The following CCBE1 variants were observed in gnomAD, a reference collection of about 807,000 sequenced individuals.
CCBE1 encodes collagen and calcium-binding EGF domain-containing protein 1.
In CCBE1, 37 loss-of-function variants were observed where a neutral mutation model predicts 50.0. The ratio of observed to expected loss-of-function variants is 0.74; its 90% CI spans 0.57 to 0.97. The LOEUF is 0.97. Among genes scored for constraint, CCBE1 ranks in the 50% least tolerant of loss-of-function variants. The pLI, the probability that CCBE1 is intolerant of heterozygous loss-of-function variation, is 0.00. For synonymous variants in CCBE1, 234 were observed against 203.7 expected, an observed-to-expected ratio of 1.15 and a Z score of -1.27; for missense variants, 538 against 523.8, an observed-to-expected ratio of 1.03 and a Z score of -0.26.
chr18:59,514,701 T>C (rs1283473983), intron 2 of CCBE1, among the ~76,000 whole-genome samples: 4 of 150,840 alleles, frequency 2.7e-5, no homozygotes, highest in African/African-American at 9.8e-5. Flanking sequence ...CTGCTGACTT[T>C]AAAGAGCAAA....
intron 2 of CCBE1, among the ~76,000 whole-genome samples, chr18:59,663,318 G>A (rs1362613203): frequency 6.6e-6 from 1 of 152,164 alleles, no homozygotes; most frequent in Non-Finnish European, 1.5e-5. Context: ...ATGAGGGTGT[G>A]AACTTCCTGG....
chr18:59,681,951 G>A (rs532038050), intron 2 of CCBE1, among the ~76,000 whole-genome samples: 3 of 152,284 alleles, frequency 2.0e-5, no homozygotes, highest in South Asian at 2.1e-4. Flanking sequence ...CCTGTCAGAC[G>A]GTCAGACCTG....
chr18:59,551,026 A>AAAAAAAAAAAAAAAAAAC (rs1568201664), intron 2 of CCBE1, among the ~76,000 whole-genome samples: 1 of 117,724 alleles, frequency 8.5e-6, no homozygotes, highest in African/African-American at 3.5e-5. Flanking sequence ...AAAAAAAAAA[A>AAAAAAAAAAAAAAAAAAC]AAAGAAAAGA....
chr18:59,553,613 G>GT (rs1443036722), intron 2 of CCBE1, among the ~76,000 whole-genome samples: 5 of 152,218 alleles, frequency 3.3e-5, no homozygotes, highest in Non-Finnish European at 5.9e-5. Flanking sequence ...AGAGGATGAA[G>GT]TTTTGTACAT....
At chr18:59,558,117 T>C (rs773228567) in intron 2 of CCBE1, among the ~76,000 whole-genome samples, 5 of 152,252 alleles carry the variant, frequency 3.3e-5, no homozygotes, top group Non-Finnish European at 7.3e-5. Flanking sequence ...GCCCCTTTCT[T>C]AACATCATTC....
chr18:59,460,235 C>G (rs1157388876), intron 5 of CCBE1, among the ~76,000 whole-genome samples: 1 of 152,180 alleles, frequency 6.6e-6, no homozygotes, highest in Non-Finnish European at 1.5e-5. Context: ...CTGGGGCCAC[C>G]CTCCCTTCTC....
chr18:59,539,952 A>T (rs1915404423), intron 2 of CCBE1, among the ~76,000 whole-genome samples: 1 of 152,188 alleles, frequency 6.6e-6, no homozygotes, highest in Admixed American at 6.5e-5. Context: ...TTCTTGCCCC[A>T]TGGAGAATTC....
At chr18:59,679,153 A>G (rs1333909231) in intron 2 of CCBE1, among the ~76,000 whole-genome samples, 1 of 152,168 alleles carries the variant, frequency 6.6e-6, no homozygotes, top group Non-Finnish European at 1.5e-5. Flanking sequence ...CCATACAGTG[A>G]TCTGCTCTAC....
intron 2 of CCBE1, among the ~76,000 whole-genome samples, chr18:59,584,973 T>A (rs551825834): frequency 1.3e-5 from 2 of 152,238 alleles, no homozygotes; most frequent in Admixed American, 1.3e-4. Context: ...AGTTAACAGT[T>A]TCCTATTGCT....
At chr18:59,594,582 C>T (rs1399572195) in intron 2 of CCBE1, among the ~76,000 whole-genome samples, 1 of 152,138 alleles carries the variant, frequency 6.6e-6, no homozygotes, top group Non-Finnish European at 1.5e-5. Context: ...ATCAAAAATA[C>T]CCTTGGGCAA....
intron 2 of CCBE1, among the ~76,000 whole-genome samples, chr18:59,681,229 C>T (rs898885783): frequency 3.9e-5 from 6 of 152,160 alleles, no homozygotes; most frequent in African/African-American, 1.4e-4. Flanking sequence ...CAAATTTGCA[C>T]ATGAAGTCTT....
intron 7 of CCBE1, among the ~76,000 whole-genome samples, chr18:59,447,252 A>T (rs1910718390): frequency 6.6e-6 from 1 of 152,196 alleles, no homozygotes; most frequent in Non-Finnish European, 1.5e-5. Context: ...GATTCTAGTC[A>T]TATGGAGTTC....
chr18:59,605,573 T>C (rs1033527687), intron 2 of CCBE1, among the ~76,000 whole-genome samples: 1 of 152,214 alleles, frequency 6.6e-6, no homozygotes, highest in African/African-American at 2.4e-5. Context: ...TAGGTGTTCC[T>C]GGATCATCTC....
At chr18:59,500,824 C>A (rs1031161863) in intron 2 of CCBE1, among the ~76,000 whole-genome samples, 7 of 152,172 alleles carry the variant, frequency 4.6e-5, no homozygotes, top group African/African-American at 1.4e-4. Flanking sequence ...GTTCCTACTG[C>A]TGTTGGATCC....
chr18:59,687,103 G>T (rs1039618708), intron 2 of CCBE1, among the ~76,000 whole-genome samples: 3 of 152,108 alleles, frequency 2.0e-5, no homozygotes, highest in African/African-American at 7.2e-5. Context: ...TTTCTTTGTG[G>T]GAAAATTCCA....
At chr18:59,531,772 C>T (rs1568190532) in intron 2 of CCBE1, among the ~76,000 whole-genome samples, 1 of 152,120 alleles carries the variant, frequency 6.6e-6, no homozygotes, top group Admixed American at 6.5e-5. Context: ...TATGCTCCTG[C>T]AAGCCTACAG....
intron 2 of CCBE1, among the ~76,000 whole-genome samples, chr18:59,497,483 C>G (rs1050735145): frequency 7.9e-5 from 12 of 152,246 alleles, no homozygotes; most frequent in African/African-American, 2.9e-4. Context: ...TAGAGCAGGG[C>G]CAGCTTGGCC....
intron 2 of CCBE1, among the ~76,000 whole-genome samples, chr18:59,684,506 C>A (rs1599135490): frequency 6.6e-6 from 1 of 152,330 alleles, no homozygotes; most frequent in African/African-American, 2.4e-5. Flanking sequence ...CACGCTCAAA[C>A]TAGCAAGCTC....
At chr18:59,639,656 A>C (rs1260801521) in intron 2 of CCBE1, among the ~76,000 whole-genome samples, 1 of 152,226 alleles carries the variant, frequency 6.6e-6, no homozygotes, top group Non-Finnish European at 1.5e-5. Context: ...GTTAGGCAAG[A>C]GAAAGAAATA....
Sources: allele counts gnomAD v4.1 joint callset (sites outside exome capture counted in the v4.1 genomes callset), GRCh38; gene constraint gnomAD v4.1.1; transcripts MANE v1.5; gene names NCBI Gene and HGNC (gene_info 2026-07-23, HGNC 2026-07-21).